The following RAP1GDS1 variants were observed in gnomAD, a reference collection of about 807,000 sequenced individuals.
RAP1GDS1 encodes Rap1 GTPase-GDP dissociation stimulator 1.
Under a neutral mutation model 71.1 loss-of-function variants are expected in RAP1GDS1, and 35 were observed. The ratio of observed to expected loss-of-function variants is 0.49; its 90% CI spans 0.38 to 0.65. RAP1GDS1 has a LOEUF of 0.65. Ranked by LOEUF, RAP1GDS1 falls within the 30% of genes least tolerant of loss-of-function variation. The pLI, the probability that RAP1GDS1 is intolerant of heterozygous loss-of-function variation, is 0.00. For synonymous variants in RAP1GDS1, 229 were observed against 243.1 expected (o/e 0.94, Z 0.54); for missense variants, 663 against 706.1 (o/e 0.94, Z 0.69).
intron 5 of RAP1GDS1, among the ~76,000 whole-genome samples, chr4:98,385,030 GAAGATTAATCATAGC>G (rs1384100598): frequency 6.6e-6 from 1 of 151,550 alleles, no homozygotes; most frequent in Non-Finnish European, 1.5e-5. Context: ...TGTCTGGATT[GAAGATTAATCATAGC>G]CGTTATCAAA....
intron 12 of RAP1GDS1, among the ~76,000 whole-genome samples, chr4:98,433,366 G>C (rs1267967208): frequency 6.6e-6 from 1 of 151,862 alleles, no homozygotes; most frequent in Non-Finnish European, 1.5e-5. Flanking sequence ...TGTGATCATA[G>C]TTCACTGCAG....
At chr4:98,271,436 C>T (rs1723439668) in intron 1 of RAP1GDS1, among the ~76,000 whole-genome samples, 1 of 152,056 alleles carries the variant, frequency 6.6e-6, no homozygotes, top group South Asian at 2.1e-4. Context: ...ATACTCCCCC[C>T]ATGGCTCATT....
intron 5 of RAP1GDS1, among the ~76,000 whole-genome samples, chr4:98,381,915 A>G (rs1234335134): frequency 6.6e-6 from 1 of 151,598 alleles, no homozygotes; most frequent in African/African-American, 2.4e-5. Context: ...ATTATTTATT[A>G]GTCTCAAAAT....
At chr4:98,430,798 G>A (rs936488738) in intron 12 of RAP1GDS1, among the ~76,000 whole-genome samples, 1 of 152,190 alleles carries the variant, frequency 6.6e-6, no homozygotes, top group Non-Finnish European at 1.5e-5. Flanking sequence ...GTGAATCACA[G>A]CTCTCTCCTT....
chr4:98,298,907 T>C (rs1022429314), intron 2 of RAP1GDS1, among the ~76,000 whole-genome samples: 2 of 152,144 alleles, frequency 1.3e-5, no homozygotes, highest in Non-Finnish European at 2.9e-5. Context: ...GGTCAAAATA[T>C]CAACTTTTTT....
chr4:98,369,786 A>G (rs918267001), intron 4 of RAP1GDS1, among the ~76,000 whole-genome samples: 11 of 152,224 alleles, frequency 7.2e-5, no homozygotes, highest in African/African-American at 2.7e-4. Context: ...TAAGGTATGT[A>G]GAGCTGTCAG....
At chr4:98,310,621 A>T (rs947432329) in intron 2 of RAP1GDS1, among the ~76,000 whole-genome samples, 2 of 152,146 alleles carry the variant, frequency 1.3e-5, no homozygotes, top group Non-Finnish European at 2.9e-5. Context: ...ACTAATTTAT[A>T]TTGTATTATA....
At chr4:98,343,000 A>G (rs1735713445) in intron 2 of RAP1GDS1, 139 bp from the exon 3 acceptor site, 4 of 818,554 alleles carry the variant, frequency 4.9e-6, no homozygotes, top group East Asian at 6.0e-5. Flanking sequence ...ATTTTGTATA[A>G]AGACATATAT....
chr4:98,281,098 T>G (rs1458750990), intron 1 of RAP1GDS1, among the ~76,000 whole-genome samples: 1 of 152,176 alleles, frequency 6.6e-6, no homozygotes, highest in African/African-American at 2.4e-5. Flanking sequence ...TGTGGGCTCT[T>G]TTTTGGTTTT....
At chr4:98,430,296 A>G (rs936108907) in intron 12 of RAP1GDS1, among the ~76,000 whole-genome samples, 1 of 152,212 alleles carries the variant, frequency 6.6e-6, no homozygotes, top group African/African-American at 2.4e-5. Context: ...ATACCTTTAC[A>G]TATCTTTCCT....
intron 2 of RAP1GDS1, among the ~76,000 whole-genome samples, chr4:98,340,565 T>C (rs1210558737): frequency 6.6e-6 from 1 of 151,912 alleles, no homozygotes; most frequent in Admixed American, 6.6e-5. Context: ...CTGGCCAACA[T>C]AGCAAAACCC....
In RAP1GDS1 at chr4:98,290,885, G is replaced by A. The variant is rs552537146; in HGVS notation, c.5-2523G>A. On this transcript the variant is annotated intron_variant, in intron 1 of 14. Transcript: ENST00000408927. ...GCATACCATCCTAATATTCTGAAGGGCATGCATATATTATTCAGGAAGAGA... is the reference window on the plus strand; with the variant it reads ...GCATACCATCCTAATATTCTGAAGGACATGCATATATTATTCAGGAAGAGA... Among the ~76,000 whole-genome samples, 147 of 152,178 alleles carry A rather than the reference G, an allele frequency of 9.7e-4. 2 individuals carry two copies. The South Asian group carries it at 0.03, about 31-fold the overall frequency.
chr4:98,348,372 G>A (rs531742273), intron 3 of RAP1GDS1, among the ~76,000 whole-genome samples: 4 of 152,272 alleles, frequency 2.6e-5, no homozygotes, highest in Non-Finnish European at 5.9e-5. Flanking sequence ...ATCATTGATG[G>A]GCATTTGGGT....
Position 98,271,062 on chromosome 4 carries a change from A to ATTAAGGTTTTAGGGAGT in RAP1GDS1, c.4+9495_4+9511dup, listed in dbSNP as rs1723388029. ...TAAGGCTTCTGGTCAGCATTAGGCTATTAAGGTTTTAGGGAGTTAAAAGTT... is the reference window on the plus strand; with the variant it reads ...TAAGGCTTCTGGTCAGCATTAGGCTATTAAGGTTTTAGGGAGTTTAAGGTTTTAGGGAGTTAAAAGTT... On this transcript the variant is annotated intron_variant, in intron 1 of 14. Transcript: ENST00000408927. Among the ~76,000 whole-genome samples the ATTAAGGTTTTAGGGAGT allele has an allele frequency of 1.3e-5, 2 of 152,166 alleles. 1 individual carries two copies. The highest frequency in any genetic ancestry group is 4.1e-4 in the South Asian group (2 of 4,834).
intron 4 of RAP1GDS1, among the ~76,000 whole-genome samples, chr4:98,362,419 G>T (rs1738865486): frequency 6.6e-6 from 1 of 152,150 alleles, no homozygotes; most frequent in Non-Finnish European, 1.5e-5. Context: ...GCTGCAGGGA[G>T]ACATGATTGT....
rs1750804727 is a variant in RAP1GDS1, at chr4:98,433,929, A to T, written c.1441-7A>T. On this transcript the variant is annotated splice_polypyrimidine_tract_variant and splice_region_variant and intron_variant, in intron 12 of 14. Transcript: ENST00000408927. ...AGTCTATAATTCTCTGATATTATTT[A>T]TTGTAGGATGTAATTAAAACCATTG... is the stretch of plus-strand genomic sequence containing the variant. 1 of 1,597,154 alleles carries T rather than the reference A, an allele frequency of 6.3e-7. No individual in the cohort carries two copies. Among genetic ancestry groups the T allele is most frequent in the African/African-American group, 1.3e-5 (1 of 74,576 alleles).
chr4:98,423,990 G>T (rs995456702), intron 12 of RAP1GDS1, among the ~76,000 whole-genome samples: 7 of 152,124 alleles, frequency 4.6e-5, no homozygotes, highest in Non-Finnish European at 1.0e-4. Context: ...AGCCATTTTT[G>T]AAACAAATTT....
At chr4:98,279,500 CTTT>C (rs200362248) in intron 1 of RAP1GDS1, among the ~76,000 whole-genome samples, 1 of 148,498 alleles carries the variant, frequency 6.7e-6, no homozygotes. Flanking sequence ...AGGAATTGAA[CTTT>C]TTTTTTGTGA....
intron 6 of RAP1GDS1, among the ~76,000 whole-genome samples, chr4:98,398,988 CATA>C (rs1744960292): frequency 6.6e-6 from 1 of 152,108 alleles, no homozygotes; most frequent in Non-Finnish European, 1.5e-5. Context: ...TTAAAACGGT[CATA>C]CTATTCAAAG....
Sources: gnomAD v4.1 joint callset for allele counts (sites outside exome capture counted in the v4.1 genomes callset) on GRCh38, gnomAD v4.1.1 for gene constraint, MANE v1.5 for transcripts, NCBI Gene and HGNC (gene_info 2026-07-23, HGNC 2026-07-21) for gene names.